Variants in SH3D19 observed in about 807,000 individuals in gnomAD.
SH3D19 encodes SH3 domain containing 19.
A neutral mutation model predicts 112.1 loss-of-function variants in SH3D19; 58 were observed. The observed-to-expected ratio is 0.52, with a 90% CI of 0.42 to 0.64. The LOEUF (loss-of-function observed/expected upper bound fraction) is 0.64, where lower values mean the gene tolerates loss of function less well. Among genes scored for constraint, SH3D19 ranks in the 30% least tolerant of loss-of-function variants. The probability of loss-of-function intolerance (pLI) is 0.00; values close to 1 mark genes in which losing one functional copy is unlikely to be tolerated. For synonymous variants in SH3D19, 391 were observed against 448.5 expected (o/e 0.87, Z 1.62); for missense variants, 1,090 against 1,263.4 (o/e 0.86, Z 2.08).
At chr4:151,279,891 A>T in intron 1 of SH3D19, 1 of 1,613,882 alleles carries the variant, frequency 6.2e-7, no homozygotes, top group Non-Finnish European at 8.5e-7. Flanking sequence ...CTTTGACCAC[A>T]ACTTTATCTG....
rs937580686 is a variant in SH3D19, at chr4:151,165,694, G to C, written c.1537C>G (p.Pro513Ala). 3.7e-6 allele frequency: 6 copies of C among 1,613,016 alleles called. No individual in the cohort carries two copies. In the South Asian group the frequency reaches 6.6e-5, roughly 18 times the overall value. Residue 513 changes from proline to alanine, a missense_variant and splice_region_variant, in exon 8 of 20, where the codon CCC (proline) becomes GCC (alanine). Pro to Ala is a conservative substitution (Grantham distance 27). Coordinates refer to ENST00000604030, the MANE Select transcript of SH3D19 (RefSeq NM_001378122.1). Reference sequence around the variant, plus strand: ...TCTGTTTTTGCAGGGAGCTGAAAGGGATCTAATGAAAAACATAGTTTATTT... The same window carrying C: ...TCTGTTTTTGCAGGGAGCTGAAAGGCATCTAATGAAAAACATAGTTTATTT... ...ESVGSEMVLD[P>A]FQLPAKTEPI...
chr4:151,183,882 C>T (rs1034685173), intron 3 of SH3D19, among the ~76,000 whole-genome samples: 1 of 152,222 alleles, frequency 6.6e-6, no homozygotes, highest in Non-Finnish European at 1.5e-5. Context: ...CATATCTTGG[C>T]TCTACCTTGT....
chr4:151,147,704 C>T (rs1011486606), intron 11 of SH3D19, among the ~76,000 whole-genome samples: 2 of 152,194 alleles, frequency 1.3e-5, no homozygotes, highest in African/African-American at 4.8e-5. Flanking sequence ...TCAAGCTGAT[C>T]CACCAGCCTC....
At chr4:151,262,706 C>CTCTCTCTT (rs1346863592) in intron 1 of SH3D19, 1 of 150,868 alleles carries the variant, frequency 6.6e-6, no homozygotes, top group Non-Finnish European at 1.5e-5. Flanking sequence ...CTCTCTCTCT[C>CTCTCTCTT]TCTCTGGGCA....
At chr4:151,231,722 T>C (rs1580285162) in intron 1 of SH3D19, among the ~76,000 whole-genome samples, 1 of 152,324 alleles carries the variant, frequency 6.6e-6, no homozygotes, top group Non-Finnish European at 1.5e-5. Flanking sequence ...TGGCTGCTGC[T>C]GCCCATGCTT....
At chr4:151,128,048 A>T in intron 18 of SH3D19, 122 bp downstream of exon 18, 1 of 724,654 alleles carries the variant, frequency 1.4e-6, no homozygotes, top group Non-Finnish European at 2.1e-6. Context: ...AACTTCATGT[A>T]TCAGCTCTTT....
At chr4:151,205,191 G>A (rs1764925649) in intron 2 of SH3D19, among the ~76,000 whole-genome samples, 1 of 152,090 alleles carries the variant, frequency 6.6e-6, no homozygotes, top group African/African-American at 2.4e-5. Context: ...AGGTATCCTG[G>A]GAATTTGTAC....
chr4:151,152,576 G>C (rs1479931897), intron 9 of SH3D19, among the ~76,000 whole-genome samples: 1 of 144,468 alleles, frequency 6.9e-6, no homozygotes, highest in Non-Finnish European at 1.5e-5. Context: ...CTGGAGTGCA[G>C]TGGCATGCTC....
chr4:151,251,947 A>G (rs1025936220), intron 1 of SH3D19, among the ~76,000 whole-genome samples: 3 of 152,166 alleles, frequency 2.0e-5, no homozygotes, highest in African/African-American at 4.8e-5. Context: ...GATAATTTCT[A>G]TGCTTCACTG....
chr4:151,182,308 C>T (rs1374706943), intron 3 of SH3D19, among the ~76,000 whole-genome samples: 4 of 152,112 alleles, frequency 2.6e-5, no homozygotes, highest in African/African-American at 9.7e-5. Context: ...TTTTTAACAA[C>T]GGTTTTAAAA....
At chr4:151,308,412 A>ACC (rs1729127567) in intron 1 of SH3D19, among the ~76,000 whole-genome samples, 1 of 151,986 alleles carries the variant, frequency 6.6e-6, no homozygotes, top group Non-Finnish European at 1.5e-5. Flanking sequence ...ACCTTAAGGT[A>ACC]CCCCCCACAG....
chr4:151,251,897 T>C (rs1363554500), intron 1 of SH3D19, among the ~76,000 whole-genome samples: 1 of 152,182 alleles, frequency 6.6e-6, no homozygotes, highest in Non-Finnish European at 1.5e-5. Flanking sequence ...CACTTCTCCA[T>C]AAGTCCTCAA....
intron 3 of SH3D19, among the ~76,000 whole-genome samples, chr4:151,180,065 G>A (rs768994623): frequency 3.4e-4 from 51 of 151,926 alleles, no homozygotes; most frequent in Non-Finnish European, 5.3e-4. Context: ...TGTATGTTTC[G>A]CAGAGATGAG....
At chr4:151,209,431 A>G (rs572630533) in intron 2 of SH3D19, among the ~76,000 whole-genome samples, 59 of 152,038 alleles carry the variant, frequency 3.9e-4, no homozygotes, top group South Asian at 6.3e-4. Flanking sequence ...GGTGCTCACC[A>G]CCACGCCCAG....
intron 1 of SH3D19, among the ~76,000 whole-genome samples, chr4:151,254,321 T>TTTA (rs1771642065): frequency 7.5e-6 from 1 of 134,096 alleles, no homozygotes; most frequent in Non-Finnish European, 1.7e-5. Flanking sequence ...TTATTTATTT[T>TTTA]TTAAATTTAT....
Position 151,176,810 on chromosome 4 carries a change from T to C in SH3D19, c.375+7A>G, listed in dbSNP as rs11934792. ...AAATGCAAAGAGATAATGTAATGTT[T>C]ATTCACCTCAGCAGGAACCAGCTCA... On this transcript the variant is annotated splice_region_variant and intron_variant, in intron 5 of 19. Coordinates refer to ENST00000604030, the MANE Select transcript of SH3D19 (RefSeq NM_001378122.1). The C allele has an allele frequency of 0.84, 1,038,546 of 1,231,694 alleles. 450,778 individuals are homozygous for C. The highest frequency in any genetic ancestry group is 0.89 in the Non-Finnish European group (880,975 of 987,684). The allele number at this position is 1,231,694 out of a possible 1,614,324, so 76.3% of individuals were successfully genotyped here. A position where few individuals can be genotyped will look rare whatever the true frequency, so the allele number is the denominator to read the frequency against.
At chr4:151,205,330 T>C (rs527908794) in intron 2 of SH3D19, among the ~76,000 whole-genome samples, 2 of 152,336 alleles carry the variant, frequency 1.3e-5, no homozygotes, top group African/African-American at 2.4e-5. Flanking sequence ...TCTGCTACAC[T>C]TGAAGATTGT....
At chr4:151,232,955 A>C (rs1769730617) in intron 1 of SH3D19, among the ~76,000 whole-genome samples, 1 of 152,208 alleles carries the variant, frequency 6.6e-6, no homozygotes, top group African/African-American at 2.4e-5. Flanking sequence ...GACCAGTACC[A>C]GTCTATGGCC....
rs950325762 is a variant in SH3D19, at chr4:151,143,336, G to A, written c.2223+574C>T. On this transcript the variant is annotated intron_variant, in intron 12 of 19. Coordinates refer to ENST00000604030, the MANE Select transcript of SH3D19 (RefSeq NM_001378122.1). ...TTGCCATAAGTGTGTTCTGAAAGAGGAAGGACAGCTATGACAGATGGATAA... is the reference window on the plus strand; with the variant it reads ...TTGCCATAAGTGTGTTCTGAAAGAGAAAGGACAGCTATGACAGATGGATAA... Among the ~76,000 whole-genome samples the A allele has an allele frequency of 2.4e-4, 37 of 152,102 alleles. 1 individual carries two copies. Among genetic ancestry groups the A allele is most frequent in the Admixed American group, 3.3e-4 (5 of 15,268 alleles).
Sources: allele counts gnomAD v4.1 joint callset (sites outside exome capture counted in the v4.1 genomes callset), GRCh38; gene constraint gnomAD v4.1.1; transcripts MANE v1.5; gene names NCBI Gene and HGNC (gene_info 2026-07-23, HGNC 2026-07-21).